The following PIGN variants were observed in gnomAD, a reference collection of about 807,000 sequenced individuals.
PIGN encodes the protein GPI ethanolamine phosphate transferase 1.
Under a neutral mutation model 125.4 loss-of-function variants are expected in PIGN, and 117 were observed. That is an observed-to-expected ratio of 0.93 (90% confidence interval 0.80 to 1.09). PIGN has a LOEUF of 1.09. Among genes scored for constraint, PIGN ranks in the 50% least tolerant of loss-of-function variants. The pLI is 0.00. For synonymous variants in PIGN, 392 were observed against 377.8 expected (o/e 1.04, Z -0.44); for missense variants, 1,075 against 1,094.9 (o/e 0.98, Z 0.26).
At position 62,159,101 on chromosome 18, in the gene PIGN, G is replaced by A. The variant is rs184314949; in HGVS notation, c.222-1293C>T. Among the ~76,000 whole-genome samples, 26 of 152,180 alleles carry A rather than the reference G, an allele frequency of 1.7e-4. 1 individual carries two copies. The highest frequency in any genetic ancestry group is 5.3e-4 in the African/African-American group (22 of 41,524). On this transcript the variant is annotated intron_variant, in intron 4 of 30. Transcript: ENST00000640252. ...TCTACCAAAGGTACAAAAATTAGCCGGGCGTGGTGGCACGTGCCTGTAATC... is the reference window on the plus strand; with the variant it reads ...TCTACCAAAGGTACAAAAATTAGCCAGGCGTGGTGGCACGTGCCTGTAATC...
Position 62,072,725 on chromosome 18 carries a change from G to T in PIGN, c.2620C>A (p.His874Asn), listed in dbSNP as rs868765550. 8 of 1,522,530 alleles carry T rather than the reference G, an allele frequency of 5.3e-6. No individual in the cohort carries two copies. In the Admixed American group the frequency reaches 1.1e-4, roughly 21 times the overall value. 94.3% of individuals were successfully genotyped at this position (1,522,530 alleles called of 1,614,324 possible). A position where few individuals can be genotyped will look rare whatever the true frequency, so the allele number is the denominator to read the frequency against. ...VLVISDIMAL[H>N]FFFLVKDYGS... ...TAATCCTTGACCAAGAAGAAAAAAT[G>T]CTGTAAAAAAAAAAAAAGGCTTAAT... is the stretch of plus-strand genomic sequence containing the variant. The change falls in exon 30 of 31, where the codon CAT (histidine) becomes AAT (asparagine). Residue 874 changes from histidine (H) to asparagine (N), a missense_variant and splice_region_variant. His to Asn is a moderately conservative substitution (Grantham distance 68). This residue lies in a region of PIGN where 915 missense variants were observed against 908.7 expected (regional missense o/e 1.01). Transcript: ENST00000640252.
chr18:62,180,162 C>A (rs4941118), intron 1 of PIGN, among the ~76,000 whole-genome samples: 60,387 of 151,920 alleles, frequency 0.4, 12,596 homozygotes, highest in East Asian at 0.73. Context: ...GCCTTCTTTC[C>A]TTTTTTTAAA....
intron 10 of PIGN, among the ~76,000 whole-genome samples, chr18:62,145,197 G>A (rs1472890124): frequency 1.3e-5 from 2 of 152,142 alleles, no homozygotes. Flanking sequence ...ATGAAAAAAA[G>A]AGTCCACTAG....
chr18:62,084,967 G>T (rs1457092823), intron 26 of PIGN, among the ~76,000 whole-genome samples: 2 of 152,208 alleles, frequency 1.3e-5, no homozygotes, highest in East Asian at 3.9e-4. Flanking sequence ...AATTAGCCAG[G>T]CATGGTGGCG....
intron 30 of PIGN, among the ~76,000 whole-genome samples, chr18:62,067,834 C>T (rs557026391): frequency 7.2e-5 from 11 of 152,248 alleles, no homozygotes; most frequent in African/African-American, 2.4e-4. Flanking sequence ...CTCTTGGGTA[C>T]CTAGGCATGG....
intron 27 of PIGN, among the ~76,000 whole-genome samples, chr18:62,083,209 T>TA (rs1156793881): frequency 1.3e-5 from 2 of 151,962 alleles, no homozygotes; most frequent in African/African-American, 2.4e-5. Context: ...TTGCCTTTTT[T>TA]AAAAAAATAC....
In PIGN at chr18:62,113,277, C is replaced by T; in HGVS notation, c.1291G>A (p.Gly431Arg). Residue 431 changes from glycine to arginine, a missense_variant, in exon 16 of 31, where the codon GGA becomes AGA. Around this residue, in one of 3 missense-constraint regions of PIGN, gnomAD observed 915 missense variants for 908.7 expected, o/e 1.01. Transcript: ENST00000640252. ...TCATATGTGTGATAATAGGACAATC[C>T]TTTCAATGCAAGATGAATTAGCTCC... ...CKELIHLALK[G>R]LSYYHTYDRF... 6.2e-7 allele frequency: 1 copy of T among 1,611,966 alleles called. No homozygotes were observed. Among genetic ancestry groups the T allele is most frequent in the East Asian group, 2.2e-5 (1 of 44,726 alleles).
chr18:62,106,833 A>G lies in PIGN; in HGVS notation c.1723T>C (p.Phe575Leu), dbSNP rs1383108148. ...RYMLTAGLTAFAAWPFLTRLW... is the reference protein window; with the variant it reads ...RYMLTAGLTALAAWPFLTRLW... The stretch of plus-strand genomic sequence containing the variant: ...CGAGTGAGAAATGGCCAAGCTGCAA[A>G]GGCAGTAAGTCCAGCGGTAAGCATA... The change falls in exon 19 of 31, where the codon TTT becomes CTT. Residue 575 changes from phenylalanine to leucine, a missense_variant. Physicochemically the swap from Phe to Leu is conservative, Grantham distance 22 (BLOSUM62 0). Transcript: ENST00000640252. 6.2e-7 allele frequency: 1 copy of G among 1,609,628 alleles called. No homozygotes were observed. The highest frequency in any genetic ancestry group is 8.5e-7 in the Non-Finnish European group (1 of 1,177,944).
At chr18:62,134,295 G>T (rs1040680666) in intron 14 of PIGN, among the ~76,000 whole-genome samples, 1 of 152,156 alleles carries the variant, frequency 6.6e-6, no homozygotes, top group Non-Finnish European at 1.5e-5. Flanking sequence ...GGAGACTGAG[G>T]CAGGAGAATT....
At chr18:62,034,429 C>T (rs1049071827) in intron 23 of PIGN, among the ~76,000 whole-genome samples, 7 of 152,086 alleles carry the variant, frequency 4.6e-5, no homozygotes, top group East Asian at 1.9e-4. Context: ...ATGGTAGATC[C>T]ACCAACAGCT....
intron 30 of PIGN, among the ~76,000 whole-genome samples, chr18:62,058,140 T>C (rs2031861211): frequency 6.6e-6 from 1 of 152,170 alleles, no homozygotes; most frequent in Non-Finnish European, 1.5e-5. Context: ...AGATGGGCCC[T>C]GGCCCAGACC....
intron 14 of PIGN, among the ~76,000 whole-genome samples, chr18:62,123,239 C>T (rs1394799948): frequency 6.6e-6 from 1 of 151,926 alleles, no homozygotes; most frequent in East Asian, 1.9e-4. Context: ...GACCCTCTTT[C>T]TAAAAATGAA....
At chr18:62,149,331 T>C (rs2036448990) in intron 7 of PIGN, among the ~76,000 whole-genome samples, 1 of 152,216 alleles carries the variant, frequency 6.6e-6, no homozygotes, top group Admixed American at 6.5e-5. Context: ...AACTTTCATA[T>C]ACATTCTACT....
At chr18:62,095,567 T>A (rs1378847627) in intron 23 of PIGN, among the ~76,000 whole-genome samples, 1 of 152,098 alleles carries the variant, frequency 6.6e-6, no homozygotes, top group African/African-American at 2.4e-5. Context: ...TCTTCCACAA[T>A]CAGAATTTTT....
intron 30 of PIGN, among the ~76,000 whole-genome samples, chr18:62,062,201 C>T (rs778882257): frequency 1.1e-4 from 17 of 152,334 alleles, no homozygotes; most frequent in Non-Finnish European, 1.6e-4. Flanking sequence ...CTGCTCCCCC[C>T]ACCTGCAATC....
intron 30 of PIGN, chr18:62,059,137 G>A (rs2031943734): frequency 6.9e-6 from 1 of 144,544 alleles, no homozygotes; most frequent in South Asian, 2.3e-4. Context: ...AAGCTGCAGT[G>A]GTGATCACCT....
Position 62,147,797 on chromosome 18 carries a change from A to T in PIGN, c.674+417T>A, listed in dbSNP as rs12605813. Among the ~76,000 whole-genome samples the T allele has an allele frequency of 1.3e-3, 197 of 152,328 alleles. 5 individuals carry two copies. In the East Asian group the frequency reaches 0.033, roughly 26 times the overall value. On this transcript the variant is annotated intron_variant, in intron 8 of 30. Transcript: ENST00000640252. ...TGAATTATGGTATACAAAAATGTAT[A>T]CAATTTATTTGCTAGATACAATACT...
chr18:62,069,860 T>C (rs1303919004), intron 30 of PIGN: 3 of 152,248 alleles, frequency 2.0e-5, no homozygotes, highest in Non-Finnish European at 4.4e-5. Context: ...TTTCATTATG[T>C]GTAGTTTACC....
In PIGN at chr18:62,041,781, G is replaced by C. The variant is rs1240730715; in HGVS notation, c.*4075C>G. On this transcript the variant is annotated 3_prime_UTR_variant, in exon 31 of 31. Coordinates refer to ENST00000640252, the MANE Select transcript of PIGN (RefSeq NM_176787.5). Reference sequence around the variant, plus strand: ...TGACCTCAAGTGATCCACCCACCTCGGCCTCCCAAAGTGCTGGAATTACAG... The same window carrying C: ...TGACCTCAAGTGATCCACCCACCTCCGCCTCCCAAAGTGCTGGAATTACAG... The C allele has an allele frequency of 6.7e-6, 1 of 149,948 alleles. No individual in the cohort carries two copies. The highest frequency in any genetic ancestry group is 2.5e-5 in the African/African-American group (1 of 40,520). 9.3% of individuals were successfully genotyped at this position (149,948 alleles called of 1,614,324 possible).
Sources: gnomAD v4.1 joint callset for allele counts (sites outside exome capture counted in the v4.1 genomes callset) on GRCh38, gnomAD v4.1.1 for gene constraint, gnomAD v4.1.1 regional missense constraint, MANE v1.5 for transcripts, NCBI Gene and HGNC (gene_info 2026-07-23, HGNC 2026-07-21) for gene names.